PLPPR1: variants seen among roughly 807,000 people sequenced by gnomAD.
The protein encoded by PLPPR1 is phospholipid phosphatase-related protein type 1.
PLPPR1 carries 10 observed loss-of-function variants against 33.1 expected under a neutral mutation model. The ratio of observed to expected loss-of-function variants is 0.30; its 90% CI spans 0.19 to 0.51. PLPPR1 has a LOEUF of 0.51. Among genes scored for constraint, PLPPR1 ranks in the 20% least tolerant of loss-of-function variants. The pLI is 0.97. For missense variants in PLPPR1, 304 were observed against 408.1 expected, an observed-to-expected ratio of 0.74 and a Z score of 2.20; for synonymous variants, 151 against 151.0, an observed-to-expected ratio of 1.00 and a Z score of 0.00.
intron 4 of PLPPR1, among the ~76,000 whole-genome samples, chr9:101,305,501 C>G (rs566726708): frequency 6.6e-6 from 1 of 152,152 alleles, no homozygotes; most frequent in African/African-American, 2.4e-5. Flanking sequence ...TTTTGAGGCT[C>G]TACCCAAGGT....
Position 101,186,049 on chromosome 9 carries a change from G to A in PLPPR1, c.63+492G>A, listed in dbSNP as rs148419848. 5.4e-3 allele frequency among the ~76,000 whole-genome samples: 815 copies of A among 151,844 alleles called. 1 individual carries two copies. The highest frequency in any genetic ancestry group is 7.0e-3 in the Non-Finnish European group (475 of 67,830). ...TCTGGACATTTTAGTAGAGTATTGG[G>A]AGCTTGTGCAATGTATGATTTCTTT... On this transcript the variant is annotated intron_variant, in intron 2 of 7. Transcript: ENST00000374874.
intron 1 of PLPPR1, among the ~76,000 whole-genome samples, chr9:101,108,785 C>A (rs1831011461): frequency 6.6e-6 from 1 of 152,098 alleles, no homozygotes; most frequent in African/African-American, 2.4e-5. Context: ...TTTCAGAATT[C>A]TTTTCATTTC....
chr9:101,178,278 A>T (rs895560348), intron 1 of PLPPR1, among the ~76,000 whole-genome samples: 1 of 152,172 alleles, frequency 6.6e-6, no homozygotes, highest in Admixed American at 6.5e-5. Context: ...ACCAAGGCTG[A>T]CCTGGCTACT....
At chr9:101,273,383 T>A (rs1828132888) in intron 3 of PLPPR1, among the ~76,000 whole-genome samples, 1 of 152,244 alleles carries the variant, frequency 6.6e-6, no homozygotes, top group African/African-American at 2.4e-5. Flanking sequence ...ATGGAGTTGT[T>A]ACACCATATA....
chr9:101,079,286 T>G (rs537907835), intron 1 of PLPPR1, among the ~76,000 whole-genome samples: 2 of 152,356 alleles, frequency 1.3e-5, no homozygotes, highest in Admixed American at 1.3e-4. Context: ...TTCTCTTTTC[T>G]GCTTTCTTGT....
At chr9:101,064,364 G>GAATA (rs1830383055) in intron 1 of PLPPR1, among the ~76,000 whole-genome samples, 2 of 151,794 alleles carry the variant, frequency 1.3e-5, no homozygotes, top group African/African-American at 4.8e-5. Context: ...ATGAATGAAT[G>GAATA]AATGAATGAA....
intron 1 of PLPPR1, among the ~76,000 whole-genome samples, chr9:101,071,305 T>G (rs2118489019): frequency 6.6e-6 from 1 of 152,120 alleles, no homozygotes; most frequent in South Asian, 2.1e-4. Context: ...TAGGCAGTGC[T>G]GAGGAAGAAC....
intron 1 of PLPPR1, among the ~76,000 whole-genome samples, chr9:101,051,700 G>A (rs1194087387): frequency 6.6e-6 from 1 of 152,130 alleles, no homozygotes; most frequent in Non-Finnish European, 1.5e-5. Context: ...TTGCTTTGCA[G>A]CTATTTTATG....
intron 2 of PLPPR1, among the ~76,000 whole-genome samples, chr9:101,186,132 C>A (rs1826198616): frequency 6.6e-6 from 1 of 151,720 alleles, no homozygotes; most frequent in African/African-American, 2.4e-5. Flanking sequence ...TTTCCAGCAC[C>A]TTTTTGGTTA....
chr9:101,155,120 AG>A (rs996476782), intron 1 of PLPPR1, among the ~76,000 whole-genome samples: 14 of 151,738 alleles, frequency 9.2e-5, no homozygotes, highest in Non-Finnish European at 1.9e-4. Context: ...TAAAAAAAAA[AG>A]AAAATGAGAT....
Position 101,309,293 on chromosome 9 carries a change from C to T in PLPPR1, c.468C>T (p.Phe156=). The change falls in exon 5 of 8, where the codon TTC becomes TTT. Residue 156 remains phenylalanine, a synonymous_variant. Coordinates refer to ENST00000374874, the MANE Select transcript of PLPPR1 (RefSeq NM_207299.2). Reference sequence around the variant, plus strand: ...TCACTGGGCACTTAACGCCATACTTCCTGACTGTGTGCAAGCCAAACTACA... The same window carrying T: ...TCACTGGGCACTTAACGCCATACTTTCTGACTGTGTGCAAGCCAAACTACA... ...QVVTGHLTPY[F]LTVCKPNYTS... is the part of the protein sequence containing the mutation. 6.2e-7 allele frequency: 1 copy of T among 1,614,176 alleles called. No homozygotes were observed. Among genetic ancestry groups the T allele is most frequent in the Non-Finnish European group, 8.5e-7 (1 of 1,180,028 alleles).
chr9:101,143,724 A>T (rs990495952), intron 1 of PLPPR1, among the ~76,000 whole-genome samples: 35 of 152,334 alleles, frequency 2.3e-4, no homozygotes, highest in African/African-American at 7.7e-4. Flanking sequence ...TCAAAACCAC[A>T]ATGAGATACC....
intron 1 of PLPPR1, among the ~76,000 whole-genome samples, chr9:101,065,529 CA>C (rs1391661333): frequency 2.0e-5 from 3 of 151,944 alleles, no homozygotes; most frequent in Non-Finnish European, 2.9e-5. Flanking sequence ...ACAAATGGGT[CA>C]AAAATATTCT....
intron 1 of PLPPR1, among the ~76,000 whole-genome samples, chr9:101,081,488 C>T (rs567368895): frequency 6.6e-6 from 1 of 152,136 alleles, no homozygotes; most frequent in Admixed American, 6.5e-5. Context: ...CCACCATGCC[C>T]GGCCAATGCA....
intron 1 of PLPPR1, among the ~76,000 whole-genome samples, chr9:101,124,076 A>G (rs1488853148): frequency 2.6e-5 from 4 of 152,132 alleles, no homozygotes; most frequent in Admixed American, 2.0e-4. Context: ...ACTAGCTATC[A>G]TTATTTCTAG....
At chr9:101,091,655 TCCATCTGCAA>T (rs1830743691) in intron 1 of PLPPR1, among the ~76,000 whole-genome samples, 1 of 152,188 alleles carries the variant, frequency 6.6e-6, no homozygotes, top group Non-Finnish European at 1.5e-5. Context: ...GCAACCTAAT[TCCATCTGCAA>T]CCTTAATCCC....
intron 2 of PLPPR1, among the ~76,000 whole-genome samples, chr9:101,246,455 T>C (rs981442566): frequency 6.6e-6 from 1 of 151,986 alleles, no homozygotes; most frequent in African/African-American, 2.4e-5. Context: ...ATGCCAGAGA[T>C]AGTTCTGAGC....
intron 2 of PLPPR1, among the ~76,000 whole-genome samples, chr9:101,235,576 A>T (rs574313236): frequency 1.3e-5 from 2 of 151,864 alleles, no homozygotes; most frequent in African/African-American, 4.8e-5. Flanking sequence ...TGACATGTGA[A>T]TTTTTTCCAA....
intron 1 of PLPPR1, among the ~76,000 whole-genome samples, chr9:101,171,864 G>A (rs1825947008): frequency 6.6e-6 from 1 of 152,190 alleles, no homozygotes. Context: ...GGGTAGCTCA[G>A]TATCACTGAG....
Sources: allele counts gnomAD v4.1 joint callset (sites outside exome capture counted in the v4.1 genomes callset), GRCh38; gene constraint gnomAD v4.1.1; transcripts MANE v1.5; gene names NCBI Gene and HGNC (gene_info 2026-07-23, HGNC 2026-07-21).